ALMS1: variants seen among roughly 807,000 people sequenced by gnomAD.
ALMS1 encodes the protein ALMS1 centrosome and basal body associated protein, also known as centrosome-associated protein ALMS1.
A neutral mutation model predicts 352.2 loss-of-function variants in ALMS1; 271 were observed. The observed-to-expected ratio is 0.77, with a 90% CI of 0.70 to 0.85. ALMS1 has a LOEUF of 0.85. ALMS1 is among the 40% of genes least tolerant of loss of function. The pLI is 0.00. For missense variants in ALMS1, 5,445 were observed against 4,870.7 expected (o/e 1.12, Z -3.51); for synonymous variants, 1,865 against 1,761.2 (o/e 1.06, Z -1.48).
chr2:73,587,355 A>G (rs1335702161), intron 16 of ALMS1, among the ~76,000 whole-genome samples: 1 of 152,168 alleles, frequency 6.6e-6, no homozygotes, highest in African/African-American at 2.4e-5. Context: ...GTCTTGTTCC[A>G]GTTCTCAGGG....
At chr2:73,464,814 C>T (rs999032783) in intron 9 of ALMS1, among the ~76,000 whole-genome samples, 1 of 151,866 alleles carries the variant, frequency 6.6e-6, no homozygotes, top group Admixed American at 6.6e-5. Flanking sequence ...AGACAAAGAG[C>T]GAGCCAAATC....
intron 1 of ALMS1, among the ~76,000 whole-genome samples, chr2:73,402,523 G>A (rs897739519): frequency 9.2e-5 from 14 of 151,652 alleles, no homozygotes; most frequent in African/African-American, 2.7e-4. Context: ...TCCTCCCACC[G>A]TGTTTGGATT....
chr2:73,593,635 G>A (rs771518096), intron 16 of ALMS1, among the ~76,000 whole-genome samples: 2 of 152,074 alleles, frequency 1.3e-5, no homozygotes, highest in Admixed American at 6.5e-5. Flanking sequence ...AGTTTAATGG[G>A]TCTTGATTTA....
intron 9 of ALMS1, among the ~76,000 whole-genome samples, chr2:73,464,593 C>T (rs1447520027): frequency 2.0e-5 from 3 of 152,074 alleles, no homozygotes; most frequent in Admixed American, 6.6e-5. Flanking sequence ...AAGTTCTGGC[C>T]AGGGCAGTTA....
At chr2:73,575,190 A>G (rs1675026572) in intron 16 of ALMS1, among the ~76,000 whole-genome samples, 1 of 151,862 alleles carries the variant, frequency 6.6e-6, no homozygotes, top group African/African-American at 2.4e-5. Flanking sequence ...GGTTGTTTCC[A>G]CTTTTTGGTT....
rs1238724178 is a variant in ALMS1 at position 73,386,252 on chromosome 2, CG to C, written c.324+61del. 1.1e-5 allele frequency: 15 copies of C among 1,420,626 alleles called. No individual in the cohort carries two copies. In the African/African-American group the frequency reaches 2.2e-4, roughly 21 times the overall value. The allele number at this position is 1,420,626 out of a possible 1,614,324, so 88.0% of individuals were successfully genotyped here. On this transcript the variant is annotated intron_variant, in intron 1 of 22. Coordinates refer to ENST00000613296, the MANE Select transcript of ALMS1 (RefSeq NM_001378454.1). ...CGAGTTGGGGGTGGAGGCTGGGCCC[CG>C]AGCGCTCCGCCCGCCCGCAGGTCAC...
intron 17 of ALMS1, among the ~76,000 whole-genome samples, chr2:73,599,832 C>T (rs1026839540): frequency 2.6e-5 from 4 of 152,196 alleles, no homozygotes; most frequent in Non-Finnish European, 5.9e-5. Context: ...TATAGATATA[C>T]TATGAATATG....
chr2:73,506,106 G>A (rs1673314755), intron 10 of ALMS1, among the ~76,000 whole-genome samples: 2 of 152,136 alleles, frequency 1.3e-5, no homozygotes, highest in Non-Finnish European at 2.9e-5. Flanking sequence ...GTAGATGTGT[G>A]GTGTTATTTC....
chr2:73,505,902 T>C (rs1401350909), intron 10 of ALMS1, among the ~76,000 whole-genome samples: 1 of 152,220 alleles, frequency 6.6e-6, no homozygotes, highest in Non-Finnish European at 1.5e-5. Context: ...CTAGGTTTTT[T>C]TGTAGGGTTT....
chr2:73,602,878 G>T (rs1014844893), intron 20 of ALMS1, among the ~76,000 whole-genome samples: 34 of 152,184 alleles, frequency 2.2e-4, no homozygotes, highest in Non-Finnish European at 4.7e-4. Flanking sequence ...GCTAAGATTT[G>T]AACCCAGGTG....
intron 1 of ALMS1, among the ~76,000 whole-genome samples, chr2:73,395,157 C>T (rs958559170): frequency 6.8e-6 from 1 of 147,596 alleles, no homozygotes; most frequent in Non-Finnish European, 1.5e-5. Context: ...TCTCCGCCCA[C>T]TGCAACCACC....
At chr2:73,394,898 T>C (rs11689392) in intron 1 of ALMS1, among the ~76,000 whole-genome samples, 58,002 of 150,942 alleles carry the variant, frequency 0.38, 15,639 homozygotes, top group African/African-American at 0.77. Flanking sequence ...GTTGTAACAC[T>C]GTGGTAAGTA....
At chr2:73,508,213 T>C (rs888693567) in intron 10 of ALMS1, among the ~76,000 whole-genome samples, 4 of 148,150 alleles carry the variant, frequency 2.7e-5, no homozygotes, top group Non-Finnish European at 6.0e-5. Flanking sequence ...TCTTCTTTTT[T>C]TTTTTTTTTT....
At chr2:73,445,646 T>TG (rs1553403032) in intron 7 of ALMS1, among the ~76,000 whole-genome samples, 2 of 151,992 alleles carry the variant, frequency 1.3e-5, no homozygotes, top group African/African-American at 2.4e-5. Context: ...CTTCGTCACC[T>TG]AGGAAGCCTT....
chr2:73,430,323 G>A (rs1297679628), intron 6 of ALMS1, among the ~76,000 whole-genome samples: 1 of 152,208 alleles, frequency 6.6e-6, no homozygotes, highest in Admixed American at 6.5e-5. Context: ...TGATCCGCCC[G>A]CCTCGGCCTC....
intron 16 of ALMS1, among the ~76,000 whole-genome samples, chr2:73,596,536 A>G (rs1435689265): frequency 2.0e-5 from 3 of 151,590 alleles, no homozygotes; most frequent in Non-Finnish European, 4.4e-5. Flanking sequence ...CAGTGGCACA[A>G]TCTCGGCACA....
chr2:73,594,017 T>C (rs1319738969), intron 16 of ALMS1, among the ~76,000 whole-genome samples: 6 of 152,246 alleles, frequency 3.9e-5, no homozygotes, highest in African/African-American at 1.4e-4. Context: ...TTGTCTATTA[T>C]GAACAAAACT....
chr2:73,538,720 G>A (rs529629973), intron 12 of ALMS1, among the ~76,000 whole-genome samples: 1 of 152,248 alleles, frequency 6.6e-6, no homozygotes, highest in East Asian at 1.9e-4. Flanking sequence ...TTAAAAAATG[G>A]CACACCAGGA....
intron 12 of ALMS1, among the ~76,000 whole-genome samples, chr2:73,544,048 T>C (rs977218900): frequency 3.9e-5 from 6 of 152,172 alleles, no homozygotes; most frequent in African/African-American, 1.4e-4. Flanking sequence ...ATCATGCTGC[T>C]ATAAAGACAC....
Sources: allele counts gnomAD v4.1 joint callset (sites outside exome capture counted in the v4.1 genomes callset), GRCh38; gene constraint gnomAD v4.1.1; transcripts MANE v1.5; gene names NCBI Gene and HGNC (gene_info 2026-07-23, HGNC 2026-07-21).